C14orf39: variants seen among roughly 807,000 people sequenced by gnomAD.
C14orf39 encodes protein SIX6OS1.
Under a neutral mutation model 85.6 loss-of-function variants are expected in C14orf39, and 66 were observed. That is an observed-to-expected ratio of 0.77 (90% CI 0.63 to 0.95). The LOEUF (loss-of-function observed/expected upper bound fraction) is 0.95, where lower values mean the gene tolerates loss of function less well. Ranked by LOEUF, C14orf39 falls within the 40% of genes least tolerant of loss-of-function variation. The pLI is 0.00. For missense variants in C14orf39, 735 were observed against 663.9 expected, an observed-to-expected ratio of 1.11 and a Z score of -1.18; for synonymous variants, 242 against 214.0, an observed-to-expected ratio of 1.13 and a Z score of -1.14.
At chr14:60,467,556 T>C (rs370757823) in intron 9 of C14orf39, among the ~76,000 whole-genome samples, 16 of 152,000 alleles carry the variant, frequency 1.1e-4, no homozygotes, top group African/African-American at 3.6e-4. Flanking sequence ...AGAATATATA[T>C]TGAGTTAAAA....
rs992983538 is a variant in C14orf39 at position 60,436,906 on chromosome 14, G to A, written c.1703C>T (p.Ser568Phe). 1 of 1,612,348 alleles carries A rather than the reference G, an allele frequency of 6.2e-7. No homozygotes were observed. The highest frequency in any genetic ancestry group is 1.3e-5 in the African/African-American group (1 of 74,830). Residue 568 changes from serine (S) to phenylalanine (F), a missense_variant, in exon 18 of 18, where the codon TCT becomes TTT. Coordinates refer to ENST00000321731, the MANE Select transcript of C14orf39 (RefSeq NM_174978.3). ...AGATGAAAAACCTTTTAAAGAAGAA[G>A]AAGGTATTGAATTTTGACCCTGTCC... Reference protein sequence around the residue: ...SFGQGQNSIPSSSLKGFSSSS... With the variant: ...SFGQGQNSIPFSSLKGFSSSS...
At chr14:60,446,773 T>C (rs1451968393) in intron 16 of C14orf39, among the ~76,000 whole-genome samples, 2 of 152,208 alleles carry the variant, frequency 1.3e-5, no homozygotes, top group Admixed American at 6.5e-5. Context: ...CCAATATCCC[T>C]GATGAACATC....
chr14:60,471,300 T>C, intron 7 of C14orf39, 117 bp downstream of exon 7: 3 of 885,846 alleles, frequency 3.4e-6, no homozygotes, highest in Non-Finnish European at 5.1e-6. Context: ...TTTTAAATAT[T>C]TTAATTAAAC....
At chr14:60,476,037 G>A (rs578120714) in intron 5 of C14orf39, among the ~76,000 whole-genome samples, 76 of 152,240 alleles carry the variant, frequency 5.0e-4, no homozygotes, top group Middle Eastern at 3.4e-3. Context: ...TAGTCAGCGG[G>A]TCTGAATCTT....
chr14:60,461,657 G>A (rs1265793255), intron 11 of C14orf39, 64 bp from the exon 12 acceptor site: 7 of 916,224 alleles, frequency 7.6e-6, no homozygotes, highest in East Asian at 2.6e-5. Context: ...TTTGCTTGTC[G>A]TTAGCAACTC....
chr14:60,447,235 G>C (rs1159506819), intron 16 of C14orf39, among the ~76,000 whole-genome samples: 1 of 152,260 alleles, frequency 6.6e-6, no homozygotes, highest in African/African-American at 2.4e-5. Flanking sequence ...AAGGGTATTC[G>C]AATAGGAAAA....
chr14:60,469,452 G>T (rs2140115699), intron 8 of C14orf39, 81 bp downstream of exon 8: 1 of 507,780 alleles, frequency 2.0e-6, no homozygotes, highest in Non-Finnish European at 3.1e-6. Context: ...CTTAAAAATA[G>T]CTCTTCTAAA....
intron 1 of C14orf39, chr14:60,512,945 G>A (rs1893315356): frequency 6.6e-6 from 1 of 152,212 alleles, no homozygotes; most frequent in Non-Finnish European, 1.5e-5. Flanking sequence ...CTTTGGATCA[G>A]AAGCCTGCTA....
chr14:60,509,790 A>G (rs1203971178), intron 1 of C14orf39: 1 of 1,613,486 alleles, frequency 6.2e-7, no homozygotes, highest in South Asian at 1.1e-5. Flanking sequence ...GGCGAACAGA[A>G]GACACACTGC....
At chr14:60,492,072 G>A (rs947301696) in intron 2 of C14orf39, among the ~76,000 whole-genome samples, 5 of 152,124 alleles carry the variant, frequency 3.3e-5, no homozygotes, top group East Asian at 1.9e-4. Flanking sequence ...CAGTGTGAAC[G>A]GGTACTATTA....
At chr14:60,492,275 T>C (rs910217662) in intron 2 of C14orf39, among the ~76,000 whole-genome samples, 3 of 152,238 alleles carry the variant, frequency 2.0e-5, no homozygotes, top group African/African-American at 7.2e-5. Flanking sequence ...CTCTCCTTCC[T>C]TGTTAAACCA....
chr14:60,471,518 C>A (rs770369541), intron 6 of C14orf39, 34 bp downstream of exon 6: 22 of 1,567,672 alleles, frequency 1.4e-5, no homozygotes, highest in Non-Finnish European at 1.9e-5. Context: ...ACAAAGATAT[C>A]ATAATTAAAA....
At chr14:60,485,731 G>A (rs573196108) in intron 1 of C14orf39, among the ~76,000 whole-genome samples, 2 of 152,076 alleles carry the variant, frequency 1.3e-5, no homozygotes, top group South Asian at 4.1e-4. Flanking sequence ...ACAGCCTCCT[G>A]TCCTGGCTTC....
chr14:60,484,756 C>T lies in C14orf39; in HGVS notation c.106+125G>A. On this transcript the variant is annotated intron_variant, in intron 3 of 17. Coordinates refer to ENST00000321731, the MANE Select transcript of C14orf39 (RefSeq NM_174978.3). The surrounding 1 kb of genome is among the most constrained non-coding windows in gnomAD (Gnocchi z 4.2). ...CGTCTAGGGTAAATAGTTTATTTGTCGCTAGAGAGAACTGACACAAAAGTT... is the reference window on the plus strand; with the variant it reads ...CGTCTAGGGTAAATAGTTTATTTGTTGCTAGAGAGAACTGACACAAAAGTT... 1 of 651,290 alleles carries T rather than the reference C, an allele frequency of 1.5e-6. No homozygotes were observed. Among genetic ancestry groups the T allele is most frequent in the Non-Finnish European group, 2.6e-6 (1 of 379,782 alleles). The allele number at this position is 651,290 out of a possible 1,614,324, so 40.3% of individuals were successfully genotyped here.
chr14:60,513,244 T>C (rs571569635), intron 1 of C14orf39, among the ~76,000 whole-genome samples: 189 of 152,300 alleles, frequency 1.2e-3, no homozygotes, highest in African/African-American at 4.3e-3. Flanking sequence ...TGGTGTTCTT[T>C]CCAAAAGCAA....
chr14:60,509,667 T>C, intron 1 of C14orf39: 1 of 1,614,010 alleles, frequency 6.2e-7, no homozygotes, highest in East Asian at 2.2e-5. Flanking sequence ...CTGCAGGCGC[T>C]GTGGCTTGAA....
At chr14:60,459,755 T>C (rs997407584) in intron 13 of C14orf39, among the ~76,000 whole-genome samples, 1 of 151,784 alleles carries the variant, frequency 6.6e-6, no homozygotes, top group African/African-American at 2.4e-5. Context: ...CCACAAAAGA[T>C]TCTCTTTTCT....
intron 1 of C14orf39, among the ~76,000 whole-genome samples, chr14:60,506,392 C>T (rs1893203428): frequency 6.6e-6 from 1 of 152,234 alleles, no homozygotes; most frequent in Non-Finnish European, 1.5e-5. Flanking sequence ...CCCGAAGTCA[C>T]AGCTTTCGTC....
At chr14:60,454,086 T>A (rs1284632318) in intron 16 of C14orf39, among the ~76,000 whole-genome samples, 5 of 151,912 alleles carry the variant, frequency 3.3e-5, no homozygotes, top group Admixed American at 2.6e-4. Flanking sequence ...TACTTGTTTT[T>A]AAAATAAGCA....
Sources: gnomAD v4.1 joint callset for allele counts (sites outside exome capture counted in the v4.1 genomes callset) on GRCh38, gnomAD v4.1.1 for gene constraint, Gnocchi (gnomAD v3.1) non-coding constraint, MANE v1.5 for transcripts, NCBI Gene and HGNC (gene_info 2026-07-23, HGNC 2026-07-21) for gene names.